Variants in KIAA0753 observed in about 807,000 individuals in gnomAD.
KIAA0753 encodes the protein protein moonraker.
A neutral mutation model predicts 116.9 loss-of-function variants in KIAA0753; 114 were observed. That is an observed-to-expected ratio of 0.98 (90% confidence interval 0.84 to 1.14). The LOEUF is 1.14. KIAA0753 is among the 50% of genes most tolerant of loss of function. The pLI, the probability that KIAA0753 is intolerant of heterozygous loss-of-function variation, is 0.00. For synonymous variants in KIAA0753, 405 were observed against 413.1 expected (o/e 0.98, Z 0.24); for missense variants, 1,156 against 1,172.4 (o/e 0.99, Z 0.20).
intron 12 of KIAA0753, among the ~76,000 whole-genome samples, chr17:6,603,296 C>T (rs546668943): frequency 2.6e-5 from 4 of 151,990 alleles, no homozygotes; most frequent in South Asian, 2.1e-4. Context: ...AAATAAAGCA[C>T]GAAAACTTCT....
At chr17:6,586,463 G>GC (rs1968583320) in intron 18 of KIAA0753, among the ~76,000 whole-genome samples, 2 of 152,106 alleles carry the variant, frequency 1.3e-5, no homozygotes, top group African/African-American at 4.8e-5. Context: ...GCTTTCTCTA[G>GC]CCTGCTAAGT....
At chr17:6,592,902 T>A (rs1969176413) in intron 16 of KIAA0753, among the ~76,000 whole-genome samples, 1 of 151,666 alleles carries the variant, frequency 6.6e-6, no homozygotes, top group Non-Finnish European at 1.5e-5. Context: ...AAAAAAAAAA[T>A]TTGTAAAACC....
intron 8 of KIAA0753, among the ~76,000 whole-genome samples, chr17:6,610,461 CA>C (rs1400743531): frequency 2.8e-5 from 4 of 145,216 alleles, no homozygotes; most frequent in African/African-American, 7.6e-5. Context: ...CCTAATTAAA[CA>C]AAAAAAATTT....
At chr17:6,585,076 G>A (rs961801988) in intron 18 of KIAA0753, among the ~76,000 whole-genome samples, 2 of 152,156 alleles carry the variant, frequency 1.3e-5, no homozygotes, top group African/African-American at 4.8e-5. Flanking sequence ...TTAGATGTGA[G>A]CCACCATACC....
chr17:6,626,247 T>C (rs921549251), intron 3 of KIAA0753, among the ~76,000 whole-genome samples: 3 of 152,238 alleles, frequency 2.0e-5, no homozygotes, highest in Admixed American at 1.3e-4. Context: ...CAAATTCTTA[T>C]ACGAAACTCC....
chr17:6,616,164 T>G (rs1392316254), intron 7 of KIAA0753, among the ~76,000 whole-genome samples: 2 of 152,206 alleles, frequency 1.3e-5, no homozygotes, highest in Non-Finnish European at 2.9e-5. Context: ...CTTAAGTGTT[T>G]TACTCAAGGT....
intron 3 of KIAA0753, among the ~76,000 whole-genome samples, chr17:6,627,835 T>C (rs1003227649): frequency 6.6e-6 from 1 of 152,214 alleles, no homozygotes; most frequent in African/African-American, 2.4e-5. Context: ...TCAGCCAACA[T>C]TAATGCCACC....
chr17:6,593,116 G>A (rs1239848362), intron 16 of KIAA0753, among the ~76,000 whole-genome samples: 1 of 152,086 alleles, frequency 6.6e-6, no homozygotes, highest in Non-Finnish European at 1.5e-5. Flanking sequence ...ACATGTATCT[G>A]GAAAAGAACT....
chr17:6,586,698 A>T (rs1968603939), intron 18 of KIAA0753, among the ~76,000 whole-genome samples: 1 of 152,248 alleles, frequency 6.6e-6, no homozygotes, highest in Non-Finnish European at 1.5e-5. Flanking sequence ...TTTCAATAAG[A>T]GCACTGTCAC....
intron 8 of KIAA0753, among the ~76,000 whole-genome samples, chr17:6,610,516 C>CTT (rs71157206): frequency 0.34 from 38,510 of 113,356 alleles, 7,717 homozygotes; most frequent in East Asian, 0.43. Flanking sequence ...TTTTCTTTCT[C>CTT]TTTTTTTTTT....
At chr17:6,598,883 T>C (rs1969656901) in intron 14 of KIAA0753, among the ~76,000 whole-genome samples, 1 of 152,174 alleles carries the variant, frequency 6.6e-6, no homozygotes, top group Non-Finnish European at 1.5e-5. Flanking sequence ...AGGACAATAA[T>C]GAGTGAAACT....
At chr17:6,580,601 C>T (rs1968087101) in intron 18 of KIAA0753, among the ~76,000 whole-genome samples, 1 of 152,136 alleles carries the variant, frequency 6.6e-6, no homozygotes, top group South Asian at 2.1e-4. Context: ...CAGGCATGAG[C>T]CACTGTGCCC....
Position 6,580,835 on chromosome 17 carries a change from G to C in KIAA0753, c.2787-971C>G, listed in dbSNP as rs139806171. Among the ~76,000 whole-genome samples the C allele has an allele frequency of 3.6e-3, 548 of 152,016 alleles. 3 individuals carry two copies. The highest frequency in any genetic ancestry group is 5.4e-3 in the Non-Finnish European group (367 of 68,004). ...CTGCCTGACCGGCCGACGGAGGAAG[G>C]GGTGTGCCTTCTCTGTAGGAGACGG... On this transcript the variant is annotated intron_variant, in intron 18 of 18. Transcript: ENST00000361413.
chr17:6,631,053 T>G (rs1461867249), intron 2 of KIAA0753, among the ~76,000 whole-genome samples: 1 of 152,024 alleles, frequency 6.6e-6, no homozygotes, highest in Non-Finnish European at 1.5e-5. Flanking sequence ...TTTGGAACCA[T>G]GTTAATGTTT....
chr17:6,624,769 C>G lies in KIAA0753; in HGVS notation c.811G>C (p.Val271Leu), dbSNP rs148231003. 12 of 1,558,530 alleles carry G rather than the reference C, an allele frequency of 7.7e-6. No individual in the cohort carries two copies. The Admixed American group carries it at 2.1e-4, about 28-fold the overall frequency. Residue 271 changes from valine (V) to leucine (L), a missense_variant, in exon 4 of 19, where the codon GTC (valine) becomes CTC (leucine). Val to Leu is a conservative substitution (Grantham distance 32). Coordinates refer to ENST00000361413, the MANE Select transcript of KIAA0753 (RefSeq NM_014804.3). The part of the protein sequence containing the change: ...QAARSARMLY[V>L]LQQQVKEIQE... The stretch of plus-strand genomic sequence containing the variant: ...ACTTTTCACACCTGCTGCTGGAGGA[C>G]GTAGAGCATTCGGGCAGAGCGAGCA...
Position 6,596,322 on chromosome 17 carries a change from A to T in KIAA0753, c.2194T>A (p.Ser732Thr). The T allele has an allele frequency of 6.7e-7, 1 of 1,500,456 alleles. No individual in the cohort carries two copies. The highest frequency in any genetic ancestry group is 1.1e-5 in the South Asian group (1 of 89,610). 92.9% of individuals were successfully genotyped at this position (1,500,456 alleles called of 1,614,324 possible). A position where few individuals can be genotyped will look rare whatever the true frequency, so the allele number is the denominator to read the frequency against. Reference protein sequence around the residue: ...AQEVAAVDFESNNIRQLDDFL... With the variant: ...AQEVAAVDFETNNIRQLDDFL... ...TCATCAAGCTGACGAATGTTGTTGG[A>T]TTCAAAATCAACAGCTGCAACCTAC... The change falls in exon 15 of 19, where the codon TCC (serine) becomes ACC (threonine). Residue 732 changes from serine to threonine, a missense_variant. By Grantham distance (58) the Ser-to-Thr change is moderately conservative (BLOSUM62 1). Coordinates refer to ENST00000361413, the MANE Select transcript of KIAA0753 (RefSeq NM_014804.3).
intron 11 of KIAA0753, 109 bp from the exon 12 acceptor site, chr17:6,607,071 T>C (rs1445221537): frequency 2.1e-5 from 29 of 1,396,182 alleles, no homozygotes; most frequent in Non-Finnish European, 2.8e-5. Context: ...CTTCAGTCTT[T>C]TAAGGAGGCA....
intron 2 of KIAA0753, among the ~76,000 whole-genome samples, chr17:6,632,090 T>C (rs1359639775): frequency 6.6e-6 from 1 of 152,074 alleles, no homozygotes; most frequent in Non-Finnish European, 1.5e-5. Context: ...TTTAGCAACA[T>C]GGGGTTTCAC....
In KIAA0753 at chr17:6,628,242, A is replaced by C; in HGVS notation, c.593T>G (p.Leu198Arg). 1 of 1,614,178 alleles carries C rather than the reference A, an allele frequency of 6.2e-7. No individual in the cohort carries two copies. The highest frequency in any genetic ancestry group is 8.5e-7 in the Non-Finnish European group (1 of 1,180,038). ...PNSPPTHDPGLQPHPRIGDHK... is the reference protein window; with the variant it reads ...PNSPPTHDPGRQPHPRIGDHK... ...GTCACCTATCCTGGGATGAGGCTGA[A>C]GTCCCGGATCATGGGTGGGTGGCGA... Residue 198 changes from leucine (L) to arginine (R), a missense_variant, in exon 3 of 19, where the codon CTT becomes CGT. Leu to Arg is a moderately radical substitution (Grantham distance 102). Coordinates refer to ENST00000361413, the MANE Select transcript of KIAA0753 (RefSeq NM_014804.3).
Sources: gnomAD v4.1 joint callset for allele counts (sites outside exome capture counted in the v4.1 genomes callset) on GRCh38, gnomAD v4.1.1 for gene constraint, MANE v1.5 for transcripts, NCBI Gene and HGNC (gene_info 2026-07-23, HGNC 2026-07-21) for gene names.